The following RABGAP1L variants were observed in gnomAD, a reference collection of about 807,000 sequenced individuals.
RABGAP1L encodes the protein rab GTPase-activating protein 1-like.
A neutral mutation model predicts 137.7 loss-of-function variants in RABGAP1L; 63 were observed. That is an observed-to-expected ratio of 0.46 (90% confidence interval 0.37 to 0.56). The LOEUF is 0.56. RABGAP1L is among the 20% of genes least tolerant of loss of function. The pLI, the probability that RABGAP1L is intolerant of heterozygous loss-of-function variation, is 0.00. For synonymous variants in RABGAP1L, 431 were observed against 433.7 expected (o/e 0.99, Z 0.08); for missense variants, 1,095 against 1,244.0 (o/e 0.88, Z 1.80).
intron 12 of RABGAP1L, among the ~76,000 whole-genome samples, chr1:174,386,760 G>T (rs1686823305): frequency 6.6e-6 from 1 of 152,016 alleles, no homozygotes; most frequent in African/African-American, 2.4e-5. Context: ...GCCTGCCTTG[G>T]CCTCCCAAAG....
At chr1:174,711,070 A>G (rs1194708103) in intron 17 of RABGAP1L, among the ~76,000 whole-genome samples, 6 of 152,178 alleles carry the variant, frequency 3.9e-5, no homozygotes, top group South Asian at 4.1e-4. Context: ...TGGCCCAAAC[A>G]CAGCTTAGCA....
intron 13 of RABGAP1L, among the ~76,000 whole-genome samples, chr1:174,621,258 C>T (rs1260433326): frequency 9.2e-5 from 14 of 152,108 alleles, no homozygotes; most frequent in East Asian, 3.9e-4. Flanking sequence ...GAATCAATAT[C>T]GTGAAAATGG....
At chr1:174,549,118 T>C (rs1313097010) in intron 13 of RABGAP1L, among the ~76,000 whole-genome samples, 1 of 152,132 alleles carries the variant, frequency 6.6e-6, no homozygotes, top group Non-Finnish European at 1.5e-5. Flanking sequence ...ATTCATCTGA[T>C]AGGTTATATC....
intron 14 of RABGAP1L, among the ~76,000 whole-genome samples, chr1:174,667,473 C>T (rs145257549): frequency 1.3e-5 from 2 of 152,306 alleles, no homozygotes; most frequent in Admixed American, 1.3e-4. Flanking sequence ...TTCCCTAAAC[C>T]TATTTGCATC....
At chr1:174,367,360 A>C (rs1684734539) in intron 11 of RABGAP1L, 1 of 178,392 alleles carries the variant, frequency 5.6e-6, no homozygotes. Context: ...TTATCAATAG[A>C]TACAGTCAGA....
chr1:174,784,011 CTTTTTTTTT>C (rs3085670), intron 18 of RABGAP1L, among the ~76,000 whole-genome samples: 12 of 52,164 alleles, frequency 2.3e-4, no homozygotes, highest in South Asian at 1.1e-3. Context: ...TCTTCTTCTT[CTTTTTTTTT>C]TTTTTTTTTT....
chr1:174,896,086 A>T (rs181257126), intron 19 of RABGAP1L, among the ~76,000 whole-genome samples: 53 of 152,250 alleles, frequency 3.5e-4, no homozygotes, highest in African/African-American at 1.3e-3. Context: ...CTATTTCTCC[A>T]CATCCTCTCT....
chr1:174,305,825 T>C (rs887375751), intron 11 of RABGAP1L, among the ~76,000 whole-genome samples: 2 of 152,186 alleles, frequency 1.3e-5, no homozygotes, highest in African/African-American at 4.8e-5. Context: ...TGCAGGTTTG[T>C]TACATATGTA....
intron 12 of RABGAP1L, among the ~76,000 whole-genome samples, chr1:174,387,078 C>T (rs1686857340): frequency 6.6e-6 from 1 of 152,128 alleles, no homozygotes; most frequent in African/African-American, 2.4e-5. Flanking sequence ...CTTAGAGTTA[C>T]ATAGAAAACA....
At chr1:174,247,471 A>T (rs74128326) in intron 5 of RABGAP1L, among the ~76,000 whole-genome samples, 2 of 152,170 alleles carry the variant, frequency 1.3e-5, no homozygotes, top group Non-Finnish European at 2.9e-5. Flanking sequence ...GGAAATTTTC[A>T]TTTTTTAAAG....
At chr1:174,609,330 A>C (rs753473317) in intron 13 of RABGAP1L, among the ~76,000 whole-genome samples, 76 of 152,298 alleles carry the variant, frequency 5.0e-4, no homozygotes, top group Admixed American at 1.4e-3. Context: ...TCTTAACAGC[A>C]GTTGCATTTT....
intron 13 of RABGAP1L, among the ~76,000 whole-genome samples, chr1:174,491,996 C>G (rs569412153): frequency 7.2e-5 from 11 of 152,156 alleles, no homozygotes; most frequent in African/African-American, 1.9e-4. Flanking sequence ...TTTTTCCTGC[C>G]CTATTCAATG....
intron 1 of RABGAP1L, among the ~76,000 whole-genome samples, chr1:174,193,307 A>G (rs1290143441): frequency 6.6e-6 from 1 of 152,190 alleles, no homozygotes; most frequent in Non-Finnish European, 1.5e-5. Context: ...CCAGGCGGGC[A>G]GATCATCTGA....
At chr1:174,701,519 A>G (rs957272190) in intron 16 of RABGAP1L, among the ~76,000 whole-genome samples, 1 of 152,154 alleles carries the variant, frequency 6.6e-6, no homozygotes, top group Non-Finnish European at 1.5e-5. Flanking sequence ...AGTCGGGCAG[A>G]TCACTTGAGG....
chr1:174,399,740 A>G (rs1321340259), intron 13 of RABGAP1L, among the ~76,000 whole-genome samples: 2 of 152,138 alleles, frequency 1.3e-5, no homozygotes, highest in Admixed American at 6.6e-5. Flanking sequence ...CCTTCTTCTC[A>G]TGGTGGCAGA....
At chr1:174,372,444 A>G (rs1466508718) in intron 12 of RABGAP1L, among the ~76,000 whole-genome samples, 1 of 151,926 alleles carries the variant, frequency 6.6e-6, no homozygotes, top group Non-Finnish European at 1.5e-5. Flanking sequence ...AACTTTTTTT[A>G]TAGAGGGTAC....
At chr1:174,778,722 G>T (rs1686727209) in intron 18 of RABGAP1L, among the ~76,000 whole-genome samples, 2 of 152,010 alleles carry the variant, frequency 1.3e-5, no homozygotes. Context: ...AGCCTCCCGA[G>T]TAGCTGGAAT....
At position 174,577,141 on chromosome 1, in the gene RABGAP1L, C is replaced by T. The variant is rs1458798619; in HGVS notation, c.1711-60234C>T. 2.6e-5 allele frequency among the ~76,000 whole-genome samples: 4 copies of T among 151,114 alleles called. No homozygotes were observed. In the East Asian group the frequency reaches 7.8e-4, roughly 29 times the overall value. On this transcript the variant is annotated intron_variant, in intron 13 of 25. Coordinates refer to ENST00000681986, the MANE Select transcript of RABGAP1L (RefSeq NM_001366446.1). ...TAGAGGTTACAATGAGCTATGATAG[C>T]TCCATGATAGCACCATTACATTCCA...
intron 13 of RABGAP1L, among the ~76,000 whole-genome samples, chr1:174,527,651 A>G (rs12086693): frequency 0.39 from 59,306 of 152,096 alleles, 14,584 homozygotes; most frequent in African/African-American, 0.7. Flanking sequence ...TGTTAGGTCC[A>G]TTAGGTCTGA....
Sources: allele counts gnomAD v4.1 joint callset (sites outside exome capture counted in the v4.1 genomes callset), GRCh38; gene constraint gnomAD v4.1.1; transcripts MANE v1.5; gene names NCBI Gene and HGNC (gene_info 2026-07-23, HGNC 2026-07-21).